The following ZNF85 variants were observed in gnomAD, a reference collection of about 807,000 sequenced individuals.
ZNF85 encodes the protein zinc finger protein 85, also known as zinc finger protein 85 (HPF4, HTF1).
ZNF85 carries 50 observed loss-of-function variants against 53.9 expected under a neutral mutation model. The observed-to-expected ratio is 0.93, with a 90% CI of 0.74 to 1.17. The LOEUF (loss-of-function observed/expected upper bound fraction) is 1.17, where lower values mean the gene tolerates loss of function less well. ZNF85 is among the 50% of genes most tolerant of loss of function. The probability of loss-of-function intolerance (pLI) is 0.00; values close to 1 mark genes in which losing one functional copy is unlikely to be tolerated. For missense variants in ZNF85, 747 were observed against 688.5 expected (o/e 1.08, Z -0.95); for synonymous variants, 225 against 226.1 (o/e 1.00, Z 0.04).
At chr19:20,941,159 G>A (rs148927143) in intron 3 of ZNF85, among the ~76,000 whole-genome samples, 1,694 of 152,200 alleles carry the variant, frequency 0.011, 12 homozygotes, top group Non-Finnish European at 0.019. Flanking sequence ...AATTTGGTGG[G>A]TTTTTTTATA....
chr19:20,924,888 T>A (rs1267426358), intron 1 of ZNF85, among the ~76,000 whole-genome samples: 1 of 152,176 alleles, frequency 6.6e-6, no homozygotes, highest in Non-Finnish European at 1.5e-5. Flanking sequence ...AAGGTTTCCG[T>A]TTGGAGACTT....
chr19:20,935,031 G>A lies in ZNF85; in HGVS notation c.213G>A (p.Met71Ile), dbSNP rs1874472702. ...GGAGTATGAAGAGACATGAGATCAT[G>A]GTGGCCAAACCCACAGGTAGGTGAA... ...EAWSMKRHEI[M>I]VAKPTVMCSH... Residue 71 changes from methionine to isoleucine, a missense_variant, in exon 3 of 4, where the codon ATG (methionine) becomes ATA (isoleucine). Met to Ile is a conservative substitution (Grantham distance 10, BLOSUM62 1). Transcript: ENST00000328178. The A allele has an allele frequency of 6.2e-7, 1 of 1,610,076 alleles. No individual in the cohort carries two copies. The highest frequency in any genetic ancestry group is 8.5e-7 in the Non-Finnish European group (1 of 1,177,970).
intron 3 of ZNF85, among the ~76,000 whole-genome samples, chr19:20,947,797 G>A (rs189973929): frequency 6.6e-6 from 1 of 151,032 alleles, no homozygotes; most frequent in East Asian, 1.9e-4. Context: ...CACAATTTCT[G>A]TTTTTTGATA....
chr19:20,931,859 G>C (rs556545575), intron 1 of ZNF85, among the ~76,000 whole-genome samples: 9 of 151,912 alleles, frequency 5.9e-5, no homozygotes, highest in African/African-American at 2.2e-4. Context: ...TGCCTGCCTC[G>C]GCCTCCCAAA....
chr19:20,942,104 T>A (rs1407021840), intron 3 of ZNF85, among the ~76,000 whole-genome samples: 2 of 151,532 alleles, frequency 1.3e-5, no homozygotes, highest in Admixed American at 6.6e-5. Flanking sequence ...CTGTTCTTTG[T>A]TTATCTGTTT....
chr19:20,949,383 A>G lies in ZNF85; in HGVS notation c.869A>G (p.Glu290Gly). Residue 290 changes from glutamate (E) to glycine (G), a missense_variant, in exon 4 of 4, where the codon GAA (glutamate) becomes GGA (glycine). Physicochemically the swap from Glu to Gly is moderately conservative, Grantham distance 98. Coordinates refer to ENST00000328178, the MANE Select transcript of ZNF85 (RefSeq NM_003429.5). ...GGAGAGAAACCCTACAAATGTAAAG[A>G]ATGTGGTAAAGCTTTTAACCGATCT... Reference protein sequence around the residue: ...HTGEKPYKCKECGKAFNRSST... With the variant: ...HTGEKPYKCKGCGKAFNRSST... The G allele has an allele frequency of 3.1e-6, 5 of 1,609,650 alleles. No individual in the cohort carries two copies. The highest frequency in any genetic ancestry group is 4.2e-6 in the Non-Finnish European group (5 of 1,177,006).
Position 20,948,972 on chromosome 19 carries a change from A to G in ZNF85, c.458A>G (p.Lys153Arg). ...ATATTTCAATGTGATAAATATGTAAAAGTCGCTCATAAATTTTCAAATTCA... is the reference window on the plus strand; with the variant it reads ...ATATTTCAATGTGATAAATATGTAAGAGTCGCTCATAAATTTTCAAATTCA... ...SKIFQCDKYV[K>R]VAHKFSNSNR... The change falls in exon 4 of 4, where the codon AAA becomes AGA. Residue 153 changes from lysine to arginine, a missense_variant. Transcript: ENST00000328178. 1 of 1,613,650 alleles carries G rather than the reference A, an allele frequency of 6.2e-7. No individual in the cohort carries two copies. Among genetic ancestry groups the G allele is most frequent in the East Asian group, 2.2e-5 (1 of 44,846 alleles).
intron 1 of ZNF85, among the ~76,000 whole-genome samples, chr19:20,925,002 G>T (rs1479646423): frequency 6.6e-6 from 1 of 152,106 alleles, no homozygotes; most frequent in Non-Finnish European, 1.5e-5. Flanking sequence ...GGCTATGTTG[G>T]CTAGAGTGTC....
chr19:20,944,557 A>AT (rs1469096104), intron 3 of ZNF85, among the ~76,000 whole-genome samples: 1 of 149,440 alleles, frequency 6.7e-6, no homozygotes, highest in Middle Eastern at 3.2e-3. Flanking sequence ...TTGGTTAAGA[A>AT]TTTTTTATTA....
chr19:20,937,205 G>T (rs1599436557), intron 3 of ZNF85: 2 of 385,070 alleles, frequency 5.2e-6, no homozygotes, highest in East Asian at 1.5e-4. Context: ...CCAATTTTTT[G>T]TATTTTAGTA....
At chr19:20,937,070 G>C in intron 3 of ZNF85, 1 of 203,118 alleles carries the variant, frequency 4.9e-6, no homozygotes, top group Non-Finnish European at 1.0e-5. Context: ...GTCTCACTCT[G>C]TCATCAGGCT....
rs1973500472 is a variant in ZNF85 at position 20,949,198 on chromosome 19, A to G, written c.684A>G (p.Lys228=). The change falls in exon 4 of 4, where the codon AAA becomes AAG. Residue 228 remains lysine (K), a synonymous_variant. Coordinates refer to ENST00000328178, the MANE Select transcript of ZNF85 (RefSeq NM_003429.5). The part of the protein sequence containing the change: ...TKHKRIHTGE[K]PYKCEECGKA... ...ATAAGAGAATTCATACGGGAGAGAA[A>G]CCTTACAAATGTGAAGAATGTGGTA... is the stretch of plus-strand genomic sequence containing the variant. The G allele has an allele frequency of 6.2e-7, 1 of 1,613,226 alleles. No individual in the cohort carries two copies. The highest frequency in any genetic ancestry group is 8.5e-7 in the Non-Finnish European group (1 of 1,179,752).
chr19:20,931,872 A>G (rs902743368), intron 1 of ZNF85, among the ~76,000 whole-genome samples: 3 of 151,966 alleles, frequency 2.0e-5, no homozygotes, highest in African/African-American at 7.3e-5. Flanking sequence ...CTCCCAAAGT[A>G]CTGGGATTAT....
At chr19:20,930,010 A>G (rs889214813) in intron 1 of ZNF85, among the ~76,000 whole-genome samples, 1 of 148,820 alleles carries the variant, frequency 6.7e-6, no homozygotes, top group African/African-American at 2.5e-5. Flanking sequence ...AATCCCAGTT[A>G]CTTGGGAGGC....
At chr19:20,930,587 G>T (rs1362627791) in intron 1 of ZNF85, among the ~76,000 whole-genome samples, 1 of 152,138 alleles carries the variant, frequency 6.6e-6, no homozygotes, top group Non-Finnish European at 1.5e-5. Flanking sequence ...CACGTAATGT[G>T]TTATGGCCAA....
Position 20,949,301 on chromosome 19 carries a change from T to C in ZNF85, c.787T>C (p.Cys263Arg). Residue 263 changes from cysteine (C) to arginine (R), a missense_variant, in exon 4 of 4, where the codon TGT becomes CGT. By Grantham distance (180) the Cys-to-Arg change is radical. Transcript: ENST00000328178. Reference protein sequence around the residue: ...TGEKPYKCEECGKTFNRFSTL... With the variant: ...TGEKPYKCEERGKTFNRFSTL... ...AGAGAAACCCTACAAATGTGAAGAATGTGGCAAAACTTTTAACCGATTCTC... is the reference window on the plus strand; with the variant it reads ...AGAGAAACCCTACAAATGTGAAGAACGTGGCAAAACTTTTAACCGATTCTC... 1 of 1,609,022 alleles carries C rather than the reference T, an allele frequency of 6.2e-7. No homozygotes were observed. Among genetic ancestry groups the C allele is most frequent in the South Asian group, 1.1e-5 (1 of 90,686 alleles).
At chr19:20,923,869 G>A (rs1972818471) in intron 1 of ZNF85, among the ~76,000 whole-genome samples, 1 of 152,098 alleles carries the variant, frequency 6.6e-6, no homozygotes, top group Non-Finnish European at 1.5e-5. Flanking sequence ...ATCATCTGAG[G>A]TCAGGAGTTC....
rs566341045 is a variant in ZNF85 at position 20,949,287 on chromosome 19, A to G, written c.773A>G (p.Tyr258Cys). 1.2e-6 allele frequency: 2 copies of G among 1,609,050 alleles called. No homozygotes were observed. Among genetic ancestry groups the G allele is most frequent in the Admixed American group, 3.3e-5 (2 of 59,806 alleles). ...HKKIHTGEKP[Y>C]KCEECGKTFN... The stretch of plus-strand genomic sequence containing the variant: ...AAAATTCATACTGGAGAGAAACCCT[A>G]CAAATGTGAAGAATGTGGCAAAACT... The change falls in exon 4 of 4, where the codon TAC becomes TGC. Residue 258 changes from tyrosine (Y) to cysteine (C), a missense_variant. Coordinates refer to ENST00000328178, the MANE Select transcript of ZNF85 (RefSeq NM_003429.5).
rs879251678 is a variant in ZNF85 at position 20,950,086 on chromosome 19, A to G, written c.1572A>G (p.Lys524=). ...ECGKAFNQSS[K]LTKHKKIHTG... is the part of the protein sequence containing the mutation. ...GCAAAGCTTTTAACCAATCCTCAAA[A>G]CTTACCAAACATAAGAAAATTCATA... Residue 524 remains lysine (K), a synonymous_variant, in exon 4 of 4, where the codon AAA becomes AAG. Transcript: ENST00000328178. 1 of 1,611,868 alleles carries G rather than the reference A, an allele frequency of 6.2e-7. No homozygotes were observed. The highest frequency in any genetic ancestry group is 8.5e-7 in the Non-Finnish European group (1 of 1,179,298).
Sources: gnomAD v4.1 joint callset for allele counts (sites outside exome capture counted in the v4.1 genomes callset) on GRCh38, gnomAD v4.1.1 for gene constraint, MANE v1.5 for transcripts, NCBI Gene and HGNC (gene_info 2026-07-23, HGNC 2026-07-21) for gene names.